NUP205: variants seen among roughly 807,000 people sequenced by gnomAD.
NUP205 encodes the protein nuclear pore complex protein Nup205.
A neutral mutation model predicts 253.8 loss-of-function variants in NUP205; 76 were observed. The ratio of observed to expected loss-of-function variants is 0.30; its 90% CI spans 0.25 to 0.36. The LOEUF (loss-of-function observed/expected upper bound fraction) is 0.36. NUP205 is among the 10% of genes least tolerant of loss of function. NUP205 has a pLI of 1.00. For missense variants in NUP205, 2,162 were observed against 2,425.5 expected (o/e 0.89, Z 2.28); for synonymous variants, 832 against 850.1 (o/e 0.98, Z 0.37).
At chr7:135,629,099 T>C (rs1794652424) in intron 34 of NUP205, among the ~76,000 whole-genome samples, 1 of 152,218 alleles carries the variant, frequency 6.6e-6, no homozygotes, top group South Asian at 2.1e-4. Flanking sequence ...CTGAGTTCTG[T>C]GACCAGACAT....
intron 32 of NUP205, 97 bp from the exon 33 acceptor site, chr7:135,626,143 C>CT (rs1794584164): frequency 7.0e-7 from 1 of 1,431,396 alleles, no homozygotes; most frequent in African/African-American, 1.4e-5. Flanking sequence ...TCAGTGATAA[C>CT]TAAGGATGAG....
chr7:135,579,033 T>C (rs1806230714), intron 7 of NUP205, 118 bp downstream of exon 7: 1 of 707,480 alleles, frequency 1.4e-6, no homozygotes, highest in Non-Finnish European at 2.2e-6. Context: ...ATATCCAGAG[T>C]TGTATTAAAT....
At chr7:135,616,564 A>T in intron 24 of NUP205, 91 bp from the exon 25 acceptor site, 1 of 689,020 alleles carries the variant, frequency 1.5e-6, no homozygotes, top group Non-Finnish European at 2.3e-6. Flanking sequence ...ATGACCTAGA[A>T]ATAAGATACC....
chr7:135,559,525 C>G (rs1205474176), intron 1 of NUP205, among the ~76,000 whole-genome samples: 1 of 151,686 alleles, frequency 6.6e-6, no homozygotes, highest in Non-Finnish European at 1.5e-5. Context: ...CATGTGCCAC[C>G]ACGCTGGGCT....
chr7:135,569,620 A>G (rs1215968615), intron 1 of NUP205, among the ~76,000 whole-genome samples: 1 of 151,938 alleles, frequency 6.6e-6, no homozygotes, highest in Non-Finnish European at 1.5e-5. Flanking sequence ...GGAGGAAGCC[A>G]TAGTGCTAAC....
At chr7:135,570,052 TAGAG>T (rs373590569) in intron 1 of NUP205, among the ~76,000 whole-genome samples, 9,156 of 77,928 alleles carry the variant, frequency 0.12, 424 homozygotes, top group Middle Eastern at 0.2. Context: ...TATATATATA[TAGAG>T]AGAGAGAGAG....
At chr7:135,616,765 A>G (rs761838159) in intron 25 of NUP205, 39 bp downstream of exon 25, 15 of 1,228,738 alleles carry the variant, frequency 1.2e-5, no homozygotes, top group East Asian at 2.7e-5. Context: ...TATTTTATAG[A>G]CATATATTAA....
At chr7:135,607,903 G>C (rs1247810505) in intron 22 of NUP205, among the ~76,000 whole-genome samples, 2 of 152,046 alleles carry the variant, frequency 1.3e-5, no homozygotes, top group African/African-American at 4.8e-5. Flanking sequence ...CCCTGGATCA[G>C]ATGATCCTCC....
intron 38 of NUP205, among the ~76,000 whole-genome samples, chr7:135,642,843 G>GGTGT (rs57007288): frequency 0.053 from 7,627 of 144,884 alleles, 299 homozygotes; most frequent in African/African-American, 0.099. Context: ...GATGTGGAGG[G>GGTGT]GTGTGTGTGT....
At position 135,561,917 on chromosome 7, in the gene NUP205, C is replaced by CTCCTTCCTTCCTTCCT. The variant is rs755809128; in HGVS notation, c.28+3953_28+3968dup. Among the ~76,000 whole-genome samples the CTCCTTCCTTCCTTCCT allele has an allele frequency of 1.6e-3, 238 of 147,666 alleles. 3 individuals carry two copies. In the East Asian group the frequency reaches 0.028, roughly 17 times the overall value. ...CTTCCTTTGTTCCTTCCTTCCTTCC[C>CTCCTTCCTTCCTTCCT]TCCTTCCTTCCTTCCTTCCTTCCCT... On this transcript the variant is annotated intron_variant, in intron 1 of 42. Transcript: ENST00000285968.
intron 2 of NUP205, among the ~76,000 whole-genome samples, chr7:135,571,481 C>T (rs1475496536): frequency 6.6e-6 from 1 of 150,960 alleles, no homozygotes; most frequent in Non-Finnish European, 1.5e-5. Flanking sequence ...CCTCAGTGAT[C>T]CTCCTGCCTC....
intron 1 of NUP205, among the ~76,000 whole-genome samples, chr7:135,563,796 G>A (rs555526971): frequency 6.6e-6 from 1 of 152,100 alleles, no homozygotes; most frequent in African/African-American, 2.4e-5. Flanking sequence ...GCAAGCCTGG[G>A]CAACATAGCA....
intron 7 of NUP205, among the ~76,000 whole-genome samples, chr7:135,579,741 G>T (rs1197772211): frequency 3.3e-5 from 5 of 151,998 alleles, no homozygotes; most frequent in Non-Finnish European, 7.4e-5. Context: ...CACCTACTGG[G>T]TTCAAGTGAT....
intron 10 of NUP205, among the ~76,000 whole-genome samples, chr7:135,588,628 T>C (rs1806538281): frequency 6.6e-6 from 1 of 150,978 alleles, no homozygotes; most frequent in African/African-American, 2.4e-5. Flanking sequence ...ATGACCAGGC[T>C]GGTCTGTAAT....
chr7:135,572,444 T>G (rs753029748), intron 2 of NUP205, among the ~76,000 whole-genome samples: 1 of 152,232 alleles, frequency 6.6e-6, no homozygotes, highest in Non-Finnish European at 1.5e-5. Flanking sequence ...TGGAATGAAT[T>G]AATTCTTGAG....
intron 1 of NUP205, among the ~76,000 whole-genome samples, chr7:135,561,747 C>G (rs1248504726): frequency 1.3e-5 from 2 of 152,112 alleles, no homozygotes; most frequent in African/African-American, 4.8e-5. Context: ...ACCTGTTACC[C>G]CTTTTTTTGT....
rs1156795842 is a variant in NUP205 at position 135,577,969 on chromosome 7, G to T, written c.822G>T (p.Ala274=). The change falls in exon 6 of 43, where the codon GCG becomes GCT. Residue 274 remains alanine (A), a synonymous_variant. Transcript: ENST00000285968. Reference sequence around the variant, plus strand: ...CAGTGAATCTGGCTCTTCTTATGGCGCTTCTATACTGTTTTGATATCAGTT... The same window carrying T: ...CAGTGAATCTGGCTCTTCTTATGGCTCTTCTATACTGTTTTGATATCAGTT... ...LDAVNLALLM[A]LLYCFDISFI... is the part of the protein sequence containing the mutation. The T allele has an allele frequency of 1.9e-6, 3 of 1,613,808 alleles. No individual in the cohort carries two copies. Among genetic ancestry groups the T allele is most frequent in the South Asian group, 1.1e-5 (1 of 91,076 alleles).
At chr7:135,607,511 G>A in intron 22 of NUP205, 140 bp downstream of exon 22, 3 of 936,390 alleles carry the variant, frequency 3.2e-6, no homozygotes, top group Admixed American at 3.3e-5. Flanking sequence ...TTTCATTTGT[G>A]GATAAAATCC....
chr7:135,617,557 A>G (rs919482559), intron 26 of NUP205, 45 bp from the exon 27 acceptor site: 1 of 1,406,402 alleles, frequency 7.1e-7, no homozygotes, highest in Non-Finnish European at 1.0e-6. Flanking sequence ...CTGTTCTACC[A>G]GTGTCTGAAA....
Sources: allele counts gnomAD v4.1 joint callset (sites outside exome capture counted in the v4.1 genomes callset), GRCh38; gene constraint gnomAD v4.1.1; transcripts MANE v1.5; gene names NCBI Gene and HGNC (gene_info 2026-07-23, HGNC 2026-07-21).